The following SQOR variants were observed in gnomAD, a reference collection of about 807,000 sequenced individuals.
The protein encoded by SQOR is sulfide:quinone oxidoreductase, mitochondrial.
A neutral mutation model predicts 48.6 loss-of-function variants in SQOR; 39 were observed. The observed-to-expected ratio is 0.80, with a 90% CI of 0.62 to 1.05. The LOEUF is 1.05. Ranked by LOEUF, SQOR falls within the 50% of genes least tolerant of loss-of-function variation. The pLI is 0.00. For synonymous variants in SQOR, 220 were observed against 206.2 expected (o/e 1.07, Z -0.57); for missense variants, 561 against 559.9 (o/e 1.00, Z -0.02).
rs1890035463 is a variant in SQOR at position 45,676,269 on chromosome 15, T to G, written c.823T>G (p.Phe275Val). 1.2e-6 allele frequency: 2 copies of G among 1,613,994 alleles called. No individual in the cohort carries two copies. The highest frequency in any genetic ancestry group is 4.5e-5 in the East Asian group (2 of 44,880). The change falls in exon 6 of 10, where the codon TTT (phenylalanine) becomes GTT (valine). Residue 275 changes from phenylalanine (F) to valine (V), a missense_variant. By Grantham distance (50) the Phe-to-Val change is conservative. Coordinates refer to ENST00000260324, the MANE Select transcript of SQOR (RefSeq NM_021199.4). ...EVRADKQEAVFENLDKPGETQ... is the reference protein window; with the variant it reads ...EVRADKQEAVVENLDKPGETQ... The stretch of plus-strand genomic sequence containing the variant: ...CCGAGCCGATAAACAAGAGGCTGTA[T>G]TTGAGAACCTGGACAAACCAGGAGA...
At chr15:45,676,080 T>G (rs773664486) in intron 5 of SQOR, 21 bp from the exon 6 acceptor site, 2 of 1,600,756 alleles carry the variant, frequency 1.2e-6, no homozygotes, top group South Asian at 1.1e-5. Flanking sequence ...TTGGTGTGAA[T>G]GGTTTTCTTA....
At chr15:45,689,698 G>A (rs975698761) in intron 9 of SQOR, among the ~76,000 whole-genome samples, 2 of 152,108 alleles carry the variant, frequency 1.3e-5, no homozygotes, top group African/African-American at 2.4e-5. Context: ...GGGATTACAG[G>A]CATGAGCCAC....
At chr15:45,647,325 T>TA (rs965280070) in intron 1 of SQOR, among the ~76,000 whole-genome samples, 5 of 133,132 alleles carry the variant, frequency 3.8e-5, no homozygotes, top group African/African-American at 6.0e-5. Context: ...CAAGCTACTT[T>TA]AACTTTTTTT....
At chr15:45,676,488 A>G (rs1890039450) in intron 6 of SQOR, among the ~76,000 whole-genome samples, 178 bp downstream of exon 6, 1 of 152,282 alleles carries the variant, frequency 6.6e-6, no homozygotes, top group Non-Finnish European at 1.5e-5. Flanking sequence ...GGGGAAGAGA[A>G]AGATGTAAGA....
At chr15:45,686,417 G>T (rs1340050616) in intron 7 of SQOR, among the ~76,000 whole-genome samples, 2 of 152,160 alleles carry the variant, frequency 1.3e-5, no homozygotes, top group East Asian at 1.9e-4. Flanking sequence ...CTCCCAAAGT[G>T]CTGGGATTAC....
At chr15:45,651,597 C>T (rs1437679490) in intron 1 of SQOR, among the ~76,000 whole-genome samples, 1 of 152,264 alleles carries the variant, frequency 6.6e-6, no homozygotes, top group Non-Finnish European at 1.5e-5. Context: ...GTAGCTGGGA[C>T]TACAGGCATG....
At position 45,662,057 on chromosome 15, in the gene SQOR, T is replaced by C. The variant is rs760734672; in HGVS notation, c.337T>C (p.Trp113Arg). The C allele has an allele frequency of 1.2e-6, 2 of 1,614,216 alleles. No individual in the cohort carries two copies. Among genetic ancestry groups the C allele is most frequent in the East Asian group, 4.5e-5 (2 of 44,890 alleles). ...AAGTGTGATTCCATCTGGTGTAGAA[T>C]GGATCAAAGCTAGAGTGACTGAGTT... The part of the protein sequence containing the change: ...TASVIPSGVE[W>R]IKARVTELNP... The change falls in exon 3 of 10, where the codon TGG becomes CGG. Residue 113 changes from tryptophan to arginine, a missense_variant. Trp to Arg is a moderately radical substitution (Grantham distance 101, BLOSUM62 -3). Transcript: ENST00000260324.
At chr15:45,689,287 G>A in intron 9 of SQOR, 70 bp downstream of exon 9, 2 of 1,481,884 alleles carry the variant, frequency 1.3e-6, no homozygotes, top group Non-Finnish European at 1.9e-6. Context: ...AGGGGATGCA[G>A]CCTCTTTTCT....
intron 1 of SQOR, among the ~76,000 whole-genome samples, chr15:45,654,173 G>GT (rs1233196587): frequency 6.6e-6 from 1 of 151,864 alleles, no homozygotes; most frequent in Non-Finnish European, 1.5e-5. Context: ...TATTGCCCTG[G>GT]TTTGTTTCTG....
chr15:45,648,263 C>T (rs982687965), intron 1 of SQOR, among the ~76,000 whole-genome samples: 4 of 151,970 alleles, frequency 2.6e-5, no homozygotes, highest in Non-Finnish European at 1.5e-5. Context: ...CTGCAACCTC[C>T]GCCTTCTGGG....
At chr15:45,684,170 C>G (rs1413643407) in intron 7 of SQOR, among the ~76,000 whole-genome samples, 2 of 152,172 alleles carry the variant, frequency 1.3e-5, no homozygotes, top group Non-Finnish European at 2.9e-5. Context: ...ACCTTGGCCT[C>G]CCAAAGTGCT....
upstream of SQOR, among the ~76,000 whole-genome samples, chr15:45,632,941 C>CAA (rs111851737): frequency 0.015 from 2,018 of 131,432 alleles, 43 homozygotes; most frequent in African/African-American, 0.053. Flanking sequence ...TCCATCTCTA[C>CAA]AAAAAAAAAA....
chr15:45,666,009 C>T (rs1889809955), intron 3 of SQOR, among the ~76,000 whole-genome samples: 1 of 152,214 alleles, frequency 6.6e-6, no homozygotes, highest in South Asian at 2.1e-4. Flanking sequence ...GTCTGAAACA[C>T]ATCTCAAGGC....
Position 45,661,995 on chromosome 15 carries a change from G to A in SQOR, c.275G>A (p.Gly92Asp), listed in dbSNP as rs751360058. The change falls in exon 3 of 10, where the codon GGT becomes GAT. Residue 92 changes from glycine to aspartate, a missense_variant. Coordinates refer to ENST00000260324, the MANE Select transcript of SQOR (RefSeq NM_021199.4). ...YQPIWTLVGAGAKQLSSSGRP... is the reference protein window; with the variant it reads ...YQPIWTLVGADAKQLSSSGRP... ...CCAATCTGGACACTGGTGGGTGCTG[G>A]TGCCAAACAATTGTCCTCATCTGGT... The A allele has an allele frequency of 6.2e-7, 1 of 1,614,178 alleles. No homozygotes were observed. Among genetic ancestry groups the A allele is most frequent in the South Asian group, 1.1e-5 (1 of 91,080 alleles).
chr15:45,638,352 G>C (rs1343641404), intron 1 of SQOR, among the ~76,000 whole-genome samples: 1 of 152,166 alleles, frequency 6.6e-6, no homozygotes, highest in Non-Finnish European at 1.5e-5. Context: ...AGCTACTTGG[G>C]AGGCTGAGGT....
intron 9 of SQOR, 44 bp from the exon 10 acceptor site, chr15:45,690,929 A>ATC (rs752191305): frequency 3.7e-5 from 57 of 1,561,168 alleles, no homozygotes; most frequent in Non-Finnish European, 7.1e-6. Flanking sequence ...AAGTCGCCCC[A>ATC]TCTCTCTTGC....
intron 3 of SQOR, among the ~76,000 whole-genome samples, chr15:45,668,633 C>T (rs993273506): frequency 5.0e-4 from 76 of 152,300 alleles, no homozygotes; most frequent in African/African-American, 1.8e-3. Context: ...CACGTTACTT[C>T]CCTTGGCTCC....
At chr15:45,631,851 T>G (rs1214908245), upstream of SQOR, 1 of 152,282 alleles carries the variant, frequency 6.6e-6, no homozygotes, top group Non-Finnish European at 1.5e-5. Context: ...TCTTTCAGTT[T>G]CCCATATCCC....
At chr15:45,690,417 T>C (rs961258386) in intron 9 of SQOR, among the ~76,000 whole-genome samples, 6 of 152,146 alleles carry the variant, frequency 3.9e-5, no homozygotes, top group Admixed American at 1.3e-4. Flanking sequence ...TCTAAACCCA[T>C]ATGAGAGAGA....
Sources: gnomAD v4.1 joint callset for allele counts (sites outside exome capture counted in the v4.1 genomes callset) on GRCh38, gnomAD v4.1.1 for gene constraint, MANE v1.5 for transcripts, NCBI Gene and HGNC (gene_info 2026-07-23, HGNC 2026-07-21) for gene names.